ZNF765: variants seen among roughly 807,000 people sequenced by gnomAD.
ZNF765 encodes zinc finger protein 765.
Under a neutral mutation model 44.7 loss-of-function variants are expected in ZNF765, and 37 were observed. The ratio of observed to expected loss-of-function variants is 0.83; its 90% CI spans 0.64 to 1.09. The LOEUF is 1.09. Ranked by LOEUF, ZNF765 falls within the 50% of genes least tolerant of loss-of-function variation. The pLI, the probability that ZNF765 is intolerant of heterozygous loss-of-function variation, is 0.00. For synonymous variants in ZNF765, 201 were observed against 213.7 expected (o/e 0.94, Z 0.52); for missense variants, 594 against 626.1 (o/e 0.95, Z 0.55).
chr19:53,411,073 T>G lies in ZNF765; in HGVS notation c.*1946T>G. Reference sequence around the variant, plus strand: ...CACTAGAGTCAGTTCAGCATTGACTTGAGTTTGACTTAACATTGAGTTGAA... The same window carrying G: ...CACTAGAGTCAGTTCAGCATTGACTGGAGTTTGACTTAACATTGAGTTGAA... On this transcript the variant is annotated 3_prime_UTR_variant, in exon 4 of 4. Coordinates refer to ENST00000396408, the MANE Select transcript of ZNF765 (RefSeq NM_001040185.3). 3.7e-6 allele frequency: 1 copy of G among 271,072 alleles called. No homozygotes were observed. The highest frequency in any genetic ancestry group is 7.5e-6 in the Non-Finnish European group (1 of 133,174). The allele number at this position is 271,072 out of a possible 1,614,324, so 16.8% of individuals were successfully genotyped here. A position where few individuals can be genotyped will look rare whatever the true frequency, so the allele number is the denominator to read the frequency against.
chr19:53,402,534 A>G (rs944773012), intron 3 of ZNF765, among the ~76,000 whole-genome samples: 3 of 152,056 alleles, frequency 2.0e-5, no homozygotes, highest in Non-Finnish European at 2.9e-5. Flanking sequence ...TGCTGGGACT[A>G]CAGGCATAAG....
In ZNF765 at chr19:53,410,739, T is replaced by C; in HGVS notation, c.*1612T>C. On this transcript the variant is annotated 3_prime_UTR_variant, in exon 4 of 4. Transcript: ENST00000396408. ...AACTTGCAGTTCATCGGCGAACTCG[T>C]ACTGGAGAGAAACCTTACAAATGTC... 2.3e-6 allele frequency: 1 copy of C among 434,626 alleles called. No homozygotes were observed. Among genetic ancestry groups the C allele is most frequent in the South Asian group, 1.8e-5 (1 of 56,860 alleles). 26.9% of individuals were successfully genotyped at this position (434,626 alleles called of 1,614,324 possible).
chr19:53,418,623 A>G (rs1409392240), intron 3 of ZNF765, among the ~76,000 whole-genome samples: 2 of 152,144 alleles, frequency 1.3e-5, no homozygotes, highest in East Asian at 3.9e-4. Flanking sequence ...ATGGCCGGGC[A>G]TCGGGGCTCA....
intron 2 of ZNF765, among the ~76,000 whole-genome samples, chr19:53,399,384 C>G (rs1751855672): frequency 6.6e-6 from 1 of 152,116 alleles, no homozygotes; most frequent in African/African-American, 2.4e-5. Context: ...ACATCCTCCA[C>G]CCTTCTTCCA....
Position 53,423,251 on chromosome 19 carries a change from G to T in ZNF765, c.*149G>T, listed in dbSNP as rs762841563. 3 of 684,890 alleles carry T rather than the reference G, an allele frequency of 4.4e-6. No homozygotes were observed. In the African/African-American group the frequency reaches 5.3e-5, roughly 12 times the overall value. The allele number at this position is 684,890 out of a possible 1,614,324, so 42.4% of individuals were successfully genotyped here. A position where few individuals can be genotyped will look rare whatever the true frequency, so the allele number is the denominator to read the frequency against. On this transcript the variant is annotated 3_prime_UTR_variant, in exon 4 of 4. Coordinates refer to the ZNF765 transcript ENST00000594030. ...TTCTCATGCACGTGACCGGCAAGTG[G>T]AGCAACAAAAATACCACGAAGACAA...
At chr19:53,427,017 G>A (rs12973077) in exon 4 of ZNF765, 23,793 of 115,150 alleles carry the variant, frequency 0.21, 1,280 homozygotes, top group East Asian at 0.36. Context: ...TCTGTCCCCA[G>A]TTCCTCTCTG....
At chr19:53,400,113 C>T (rs1437455500) in intron 2 of ZNF765, among the ~76,000 whole-genome samples, 3 of 152,106 alleles carry the variant, frequency 2.0e-5, no homozygotes, top group Admixed American at 2.0e-4. Flanking sequence ...CATCTGGCCC[C>T]CAGTAGTTAT....
chr19:53,418,662 C>T (rs1367810736), intron 3 of ZNF765, among the ~76,000 whole-genome samples: 2 of 151,800 alleles, frequency 1.3e-5, no homozygotes, highest in African/African-American at 2.4e-5. Context: ...TTTGGGAGGC[C>T]AATGGTGGGG....
intron 3 of ZNF765, among the ~76,000 whole-genome samples, chr19:53,405,926 T>A (rs1600055474): frequency 1.3e-5 from 1 of 75,186 alleles, no homozygotes; most frequent in Non-Finnish European, 2.6e-5. Flanking sequence ...TATATATATA[T>A]ATATATATAT....
Position 53,397,982 on chromosome 19 carries a change from CTGGAAG to C in ZNF765, c.-33_-28del. ...GACTCTTGGTATGTGAGGAAGAAAC[CTGGAAG>C]AGGAAGAGGAAAGCAAAGGAGTCAG... is the stretch of plus-strand genomic sequence containing the variant. On this transcript the variant is annotated 5_prime_UTR_variant, in exon 2 of 4. Transcript: ENST00000396408. 1.2e-6 allele frequency: 2 copies of C among 1,612,174 alleles called. No individual in the cohort carries two copies. Among genetic ancestry groups the C allele is most frequent in the Non-Finnish European group, 1.7e-6 (2 of 1,179,844 alleles).
chr19:53,396,226 T>G lies in ZNF765; in HGVS notation c.-74+1033T>G, dbSNP rs560386803. Among the ~76,000 whole-genome samples the G allele has an allele frequency of 6.6e-5, 10 of 151,224 alleles. No individual in the cohort carries two copies. In the South Asian group the frequency reaches 2.1e-3, roughly 32 times the overall value. ...ACAGCAGGGAGGACACCTGGGGATC[T>G]GGGGTGCTAGAGAGTGGGGATGAGG... On this transcript the variant is annotated intron_variant, in intron 1 of 3. Coordinates refer to ENST00000396408, the MANE Select transcript of ZNF765 (RefSeq NM_001040185.3).
chr19:53,413,135 A>G, downstream of ZNF765: 1 of 499,364 alleles, frequency 2.0e-6, no homozygotes, highest in Non-Finnish European at 3.8e-6. Context: ...AAAGATGTCA[A>G]GCCTCTTCTC....
At chr19:53,400,434 T>C (rs2085712485) in intron 2 of ZNF765, among the ~76,000 whole-genome samples, 1 of 152,070 alleles carries the variant, frequency 6.6e-6, no homozygotes, top group Non-Finnish European at 1.5e-5. Context: ...AAAGGGTGAT[T>C]ACTTCCTCTA....
intron 3 of ZNF765, among the ~76,000 whole-genome samples, chr19:53,406,969 C>T (rs986545347): frequency 1.3e-5 from 2 of 151,886 alleles, no homozygotes; most frequent in South Asian, 2.1e-4. Context: ...GCCTTTTCTG[C>T]AAGGATATAG....
intron 1 of ZNF765, among the ~76,000 whole-genome samples, chr19:53,395,803 C>T (rs889068654): frequency 1.3e-5 from 2 of 152,186 alleles, no homozygotes; most frequent in African/African-American, 4.8e-5. Flanking sequence ...TGCGCTCCCC[C>T]GGGATGCAGG....
At chr19:53,400,498 A>C (rs531471615) in intron 2 of ZNF765, among the ~76,000 whole-genome samples, 1 of 151,938 alleles carries the variant, frequency 6.6e-6, no homozygotes, top group East Asian at 1.9e-4. Context: ...CCTGTCCCCA[A>C]CTGCCAATGT....
downstream of ZNF765, among the ~76,000 whole-genome samples, chr19:53,412,807 C>G (rs2085843551): frequency 6.6e-6 from 1 of 152,128 alleles, no homozygotes; most frequent in South Asian, 2.1e-4. Context: ...GCATGAGCCA[C>G]TGCACCTGGC....
intron 2 of ZNF765, among the ~76,000 whole-genome samples, chr19:53,398,972 A>G (rs1201869790): frequency 6.6e-6 from 1 of 152,088 alleles, no homozygotes; most frequent in African/African-American, 2.4e-5. Flanking sequence ...GCTGGTCTCA[A>G]ACTACTGACT....
In ZNF765 at chr19:53,408,340, G is replaced by A. The variant is rs758285271; in HGVS notation, c.785G>A (p.Arg262His). 27 of 1,614,070 alleles carry A rather than the reference G, an allele frequency of 1.7e-5. No homozygotes were observed. The highest frequency in any genetic ancestry group is 8.3e-5 in the Admixed American group (5 of 59,994). The change falls in exon 4 of 4, where the codon CGT becomes CAT. Residue 262 changes from arginine to histidine, a missense_variant. This residue lies in a region of ZNF765 where 567 missense variants were observed against 572.6 expected (regional missense o/e 0.99). Transcript: ENST00000396408. ...TCGAAGCGATACGTTGCACGCCATC[G>A]TAGATGTCACACTGGTGAGAAACCT... ...FNSKRYVARH[R>H]RCHTGEKPYK... is the part of the protein sequence containing the mutation.
Sources: allele counts gnomAD v4.1 joint callset (sites outside exome capture counted in the v4.1 genomes callset), GRCh38; gene constraint gnomAD v4.1.1; regional missense constraint gnomAD v4.1.1; transcripts MANE v1.5; gene names NCBI Gene and HGNC (gene_info 2026-07-23, HGNC 2026-07-21).